DNAH8: variants seen among roughly 807,000 people sequenced by gnomAD.
DNAH8 encodes the protein axonemal beta dynein heavy chain 8.
A neutral mutation model predicts 562.1 loss-of-function variants in DNAH8; 382 were observed. The ratio of observed to expected loss-of-function variants is 0.68; its 90% CI spans 0.63 to 0.74. DNAH8 has a LOEUF of 0.74. Among genes scored for constraint, DNAH8 ranks in the 30% least tolerant of loss-of-function variants. The pLI is 0.00. For missense variants in DNAH8, 5,203 were observed against 5,620.4 expected (o/e 0.93, Z 2.37); for synonymous variants, 1,881 against 1,919.4 (o/e 0.98, Z 0.52).
chr6:38,759,975 TA>T (rs1303758774), intron 10 of DNAH8, among the ~76,000 whole-genome samples: 1 of 152,214 alleles, frequency 6.6e-6, no homozygotes, highest in African/African-American at 2.4e-5. Flanking sequence ...TGGTCCTGAA[TA>T]AAGTCTCTTG....
At position 38,808,925 on chromosome 6, in the gene DNAH8, C is replaced by T. The variant is rs185902808; in HGVS notation, c.3257+1209C>T. ...TGGACACAGGGAGGGGAACATCACA[C>T]ACCAGGGCCTGTCAGGGGGTGTGGG... On this transcript the variant is annotated intron_variant, in intron 24 of 92. Transcript: ENST00000327475. Among the ~76,000 whole-genome samples, 353 of 151,940 alleles carry T rather than the reference C, an allele frequency of 2.3e-3. 3 individuals carry two copies. Among genetic ancestry groups the T allele is most frequent in the African/African-American group, 8.2e-3 (340 of 41,264 alleles).
intron 92 of DNAH8, among the ~76,000 whole-genome samples, chr6:39,026,957 A>C (rs1767333361): frequency 6.6e-6 from 1 of 152,216 alleles, no homozygotes; most frequent in South Asian, 2.1e-4. Flanking sequence ...GCGGTGGCTC[A>C]TGCCTATAAT....
At chr6:38,754,520 G>A (rs1449692058) in intron 9 of DNAH8, among the ~76,000 whole-genome samples, 3 of 151,954 alleles carry the variant, frequency 2.0e-5, no homozygotes, top group Non-Finnish European at 4.4e-5. Context: ...TACAGTAATC[G>A]GTAGTTGTTT....
chr6:38,822,559 A>G (rs1772962450), intron 26 of DNAH8, among the ~76,000 whole-genome samples: 1 of 152,124 alleles, frequency 6.6e-6, no homozygotes, highest in Admixed American at 6.5e-5. Context: ...GGACTTTAAC[A>G]TTTTGGGGTG....
chr6:38,870,703 A>G, intron 49 of DNAH8, 141 bp downstream of exon 49: 1 of 858,168 alleles, frequency 1.2e-6, no homozygotes, highest in Non-Finnish European at 1.8e-6. Flanking sequence ...CAAAAAGAAT[A>G]CTTGGAAGGA....
At chr6:38,821,355 G>C (rs1219958112) in intron 26 of DNAH8, among the ~76,000 whole-genome samples, 2 of 152,172 alleles carry the variant, frequency 1.3e-5, no homozygotes, top group Non-Finnish European at 2.9e-5. Context: ...ATGCTCATGG[G>C]TTGGAAGATC....
At chr6:38,878,449 A>C (rs73426134) in intron 53 of DNAH8, among the ~76,000 whole-genome samples, 4,389 of 152,264 alleles carry the variant, frequency 0.029, 222 homozygotes, top group African/African-American at 0.099. Context: ...AACCCAAAGT[A>C]AGCAGAAGAA....
At chr6:38,943,738 G>C (rs1463651802) in intron 79 of DNAH8, among the ~76,000 whole-genome samples, 1 of 152,106 alleles carries the variant, frequency 6.6e-6, no homozygotes, top group Non-Finnish European at 1.5e-5. Flanking sequence ...AAACTGGACT[G>C]AACCTGGGCC....
At chr6:38,756,570 G>A (rs1765926388) in intron 10 of DNAH8, among the ~76,000 whole-genome samples, 1 of 151,836 alleles carries the variant, frequency 6.6e-6, no homozygotes, top group African/African-American at 2.4e-5. Context: ...TGCATAATGT[G>A]CAGGTTAGTT....
At chr6:38,974,112 T>C (rs1277087453) in intron 84 of DNAH8, among the ~76,000 whole-genome samples, 1 of 152,180 alleles carries the variant, frequency 6.6e-6, no homozygotes, top group East Asian at 1.9e-4. Flanking sequence ...GCATATTGTT[T>C]TCTGATATAC....
At chr6:38,916,116 A>G (rs1230701883) in intron 68 of DNAH8, among the ~76,000 whole-genome samples, 3 of 152,196 alleles carry the variant, frequency 2.0e-5, no homozygotes, top group South Asian at 2.1e-4. Flanking sequence ...AAAGCACTCA[A>G]TAAATATTAG....
Position 38,870,497 on chromosome 6 carries a change from G to T in DNAH8, c.6925G>T (p.Val2309Leu). The change falls in exon 49 of 93, where the codon GTA (valine) becomes TTA (leucine). Residue 2309 changes from valine (V) to leucine (L), a missense_variant. Transcript: ENST00000327475. ...TACTTATGCAGAACTGCAAAACGCA[G>T]TAGCCCATCAGGTTCAGATAGAGGG... ...SNTYAELQNA[V>L]AHQVQIEGLI... 6.2e-7 allele frequency: 1 copy of T among 1,614,086 alleles called. No individual in the cohort carries two copies. Among genetic ancestry groups the T allele is most frequent in the South Asian group, 1.1e-5 (1 of 91,074 alleles).
intron 81 of DNAH8, among the ~76,000 whole-genome samples, chr6:38,950,427 G>A (rs1029217288): frequency 6.7e-6 from 1 of 149,890 alleles, no homozygotes; most frequent in African/African-American, 2.5e-5. Context: ...CTCATAGTCC[G>A]CAGAGTATGA....
intron 81 of DNAH8, among the ~76,000 whole-genome samples, chr6:38,950,443 CT>C (rs34121756): frequency 0.29 from 40,839 of 140,106 alleles, 5,617 homozygotes; most frequent in African/African-American, 0.37. Context: ...TATGAAAAGG[CT>C]TTTTTTTTTT....
chr6:39,022,340 G>A (rs1766973992), intron 91 of DNAH8, among the ~76,000 whole-genome samples: 1 of 152,174 alleles, frequency 6.6e-6, no homozygotes, highest in South Asian at 2.1e-4. Context: ...TCTTCCCCCA[G>A]CTCCTCCCTG....
intron 62 of DNAH8, among the ~76,000 whole-genome samples, chr6:38,902,676 C>T (rs897984787): frequency 6.6e-6 from 1 of 152,110 alleles, no homozygotes; most frequent in African/African-American, 2.4e-5. Context: ...TTGTGTCTTA[C>T]CACACTTGAT....
At chr6:38,936,861 G>A (rs1453106515) in intron 77 of DNAH8, among the ~76,000 whole-genome samples, 2 of 152,250 alleles carry the variant, frequency 1.3e-5, no homozygotes, top group African/African-American at 2.4e-5. Flanking sequence ...CTGCCATCCC[G>A]AACTCTAGGG....
intron 24 of DNAH8, among the ~76,000 whole-genome samples, chr6:38,808,316 A>T (rs1465996811): frequency 6.6e-6 from 1 of 152,178 alleles, no homozygotes; most frequent in Non-Finnish European, 1.5e-5. Flanking sequence ...ACATAGTGAG[A>T]GTACCCATGG....
At chr6:38,840,942 A>G (rs1015642858) in intron 33 of DNAH8, among the ~76,000 whole-genome samples, 1 of 152,198 alleles carries the variant, frequency 6.6e-6, no homozygotes, top group African/African-American at 2.4e-5. Context: ...CCTTTAGGCA[A>G]TGTCATCATT....
Sources: gnomAD v4.1 joint callset for allele counts (sites outside exome capture counted in the v4.1 genomes callset) on GRCh38, gnomAD v4.1.1 for gene constraint, MANE v1.5 for transcripts, NCBI Gene and HGNC (gene_info 2026-07-23, HGNC 2026-07-21) for gene names.